The following TFEC variants were observed in gnomAD, a reference collection of about 807,000 sequenced individuals.
The protein encoded by TFEC is class E basic helix-loop-helix protein 34.
Under a neutral mutation model 41.6 loss-of-function variants are expected in TFEC, and 31 were observed. The observed-to-expected ratio is 0.74, with a 90% CI of 0.56 to 1.01. The LOEUF is 1.01. Among genes scored for constraint, TFEC ranks in the 50% least tolerant of loss-of-function variants. TFEC has a pLI of 0.00. For synonymous variants in TFEC, 143 were observed against 140.6 expected (o/e 1.02, Z -0.12); for missense variants, 402 against 404.1 (o/e 0.99, Z 0.04).
rs187224135 is a variant in TFEC at position 116,077,254 on chromosome 7, A to T, written c.198+33454T>A. Reference sequence around the variant, plus strand: ...GAGAATTTGCCACTACCAAACCAGTACTACAAGAACTGCTAAAAGGAGCTC... The same window carrying T: ...GAGAATTTGCCACTACCAAACCAGTTCTACAAGAACTGCTAAAAGGAGCTC... On this transcript the variant is annotated intron_variant, in intron 3 of 8. Transcript: ENST00000484212. Among the ~76,000 whole-genome samples the T allele has an allele frequency of 1.5e-3, 235 of 152,322 alleles. 3 individuals carry two copies. The Middle Eastern group carries it at 0.031, about 20-fold the overall frequency.
At chr7:116,036,141 A>T (rs569903922) in intron 3 of TFEC, among the ~76,000 whole-genome samples, 2 of 152,206 alleles carry the variant, frequency 1.3e-5, no homozygotes, top group South Asian at 2.1e-4. Context: ...TTTGTCTTCT[A>T]TCCTGAAAAT....
intron 2 of TFEC, among the ~76,000 whole-genome samples, chr7:115,981,191 A>G (rs1163018619): frequency 6.6e-6 from 1 of 151,732 alleles, no homozygotes; most frequent in African/African-American, 2.4e-5. Context: ...TCTCAAACCC[A>G]CTTATGCTTG....
intron 1 of TFEC, among the ~76,000 whole-genome samples, chr7:116,114,864 T>C (rs1797943593): frequency 6.6e-6 from 1 of 151,832 alleles, no homozygotes; most frequent in African/African-American, 2.4e-5. Flanking sequence ...TTGAAACATC[T>C]CACTCTCAAA....
In TFEC at chr7:115,937,325, T is replaced by C. The variant is rs995017791; in HGVS notation, c.*3226A>G. 1 of 151,768 alleles carries C rather than the reference T, an allele frequency of 6.6e-6. No individual in the cohort carries two copies. The highest frequency in any genetic ancestry group is 1.5e-5 in the Non-Finnish European group (1 of 67,734). The allele number at this position is 151,768 out of a possible 1,614,324, so 9.4% of individuals were successfully genotyped here. A position where few individuals can be genotyped will look rare whatever the true frequency, so the allele number is the denominator to read the frequency against. On this transcript the variant is annotated 3_prime_UTR_variant, in exon 8 of 8. Transcript: ENST00000265440. ...TAGTCCCATTACAGTTGATGCTTTTTGTGACAGCATTGTTTGATAAACATA... is the reference window on the plus strand; with the variant it reads ...TAGTCCCATTACAGTTGATGCTTTTCGTGACAGCATTGTTTGATAAACATA...
At chr7:116,096,242 T>A (rs957114732) in intron 3 of TFEC, among the ~76,000 whole-genome samples, 7 of 152,102 alleles carry the variant, frequency 4.6e-5, no homozygotes, top group Admixed American at 3.9e-4. Context: ...TGTCTTGCCT[T>A]CCTGAGATAT....
intron 3 of TFEC, among the ~76,000 whole-genome samples, chr7:116,097,682 ATTGT>A (rs1247431301): frequency 6.6e-6 from 1 of 152,164 alleles, no homozygotes; most frequent in Non-Finnish European, 1.5e-5. Context: ...AAACCTGTGA[ATTGT>A]TTATTTCTGG....
At chr7:115,943,169 A>C (rs1562875763) in intron 6 of TFEC, among the ~76,000 whole-genome samples, 1 of 151,946 alleles carries the variant, frequency 6.6e-6, no homozygotes, top group Non-Finnish European at 1.5e-5. Flanking sequence ...AAGTTTGAAA[A>C]TGCTTTGTCA....
chr7:115,956,439 A>C (rs1257136436), intron 4 of TFEC, among the ~76,000 whole-genome samples: 2 of 150,402 alleles, frequency 1.3e-5, no homozygotes, highest in Admixed American at 1.3e-4. Flanking sequence ...GTATATATGT[A>C]TGTAAAACAT....
intron 3 of TFEC, among the ~76,000 whole-genome samples, chr7:116,036,687 T>C (rs1442976310): frequency 6.6e-6 from 1 of 152,076 alleles, no homozygotes; most frequent in East Asian, 1.9e-4. Context: ...TCCTAGCCTT[T>C]ACCCTCAAGG....
chr7:116,151,701 C>CA (rs1441458915), intron 1 of TFEC, among the ~76,000 whole-genome samples: 1 of 151,528 alleles, frequency 6.6e-6, no homozygotes, highest in African/African-American at 2.4e-5. Flanking sequence ...CTCTTAATAT[C>CA]ATTATAAAAA....
intron 5 of TFEC, among the ~76,000 whole-genome samples, chr7:115,952,667 A>G (rs930494318): frequency 2.6e-5 from 4 of 152,072 alleles, no homozygotes; most frequent in Non-Finnish European, 4.4e-5. Context: ...CTGGCTCCCA[A>G]TGGTGTTCAT....
chr7:116,038,865 T>C (rs1396153004), intron 3 of TFEC, among the ~76,000 whole-genome samples: 1 of 152,050 alleles, frequency 6.6e-6, no homozygotes, highest in Non-Finnish European at 1.5e-5. Flanking sequence ...GTGTCCAAAG[T>C]AGATTAGTGG....
chr7:116,032,895 C>T (rs1415224755), upstream of TFEC, among the ~76,000 whole-genome samples: 4 of 152,068 alleles, frequency 2.6e-5, no homozygotes, highest in African/African-American at 9.6e-5. Context: ...GTTTTCATTT[C>T]AAAAATAGTT....
At chr7:116,086,973 C>T (rs183825590) in intron 3 of TFEC, among the ~76,000 whole-genome samples, 162 of 151,964 alleles carry the variant, frequency 1.1e-3, no homozygotes, top group African/African-American at 3.3e-3. Context: ...ACATCATTAG[C>T]GCAGCAGCAC....
chr7:115,974,102 A>G, intron 3 of TFEC, 68 bp downstream of exon 3: 2 of 1,313,150 alleles, frequency 1.5e-6, no homozygotes, highest in Non-Finnish European at 2.1e-6. Flanking sequence ...GTTGCTAATC[A>G]AATATTTTTA....
At chr7:116,038,146 A>C (rs1795953664) in intron 3 of TFEC, among the ~76,000 whole-genome samples, 1 of 152,068 alleles carries the variant, frequency 6.6e-6, no homozygotes, top group African/African-American at 2.4e-5. Flanking sequence ...AGAAACCTTT[A>C]AGGCATTAAT....
chr7:116,152,639 A>G lies in TFEC; in HGVS notation c.-69+7151T>C, dbSNP rs189021422. Among the ~76,000 whole-genome samples, 408 of 152,326 alleles carry G rather than the reference A, an allele frequency of 2.7e-3. 1 individual carries two copies. Among genetic ancestry groups the G allele is most frequent in the Non-Finnish European group, 4.8e-3 (329 of 68,020 alleles). ...AAATATTATATTACACAGGACATAC[A>G]TCAAGAAATGTACTCAGAATCGTAT... On this transcript the variant is annotated intron_variant, in intron 1 of 8. Transcript: ENST00000484212.
intron 6 of TFEC, among the ~76,000 whole-genome samples, chr7:115,946,033 G>T (rs1275628366): frequency 6.6e-6 from 1 of 151,700 alleles, no homozygotes; most frequent in Non-Finnish European, 1.5e-5. Flanking sequence ...GAACTAGAAA[G>T]GAGTCTTTAG....
intron 1 of TFEC, among the ~76,000 whole-genome samples, chr7:116,001,316 G>A (rs898534162): frequency 3.3e-5 from 5 of 151,950 alleles, no homozygotes; most frequent in African/African-American, 1.2e-4. Context: ...AATGGATTGA[G>A]ACTTAAACCT....
Sources: gnomAD v4.1 joint callset for allele counts (sites outside exome capture counted in the v4.1 genomes callset) on GRCh38, gnomAD v4.1.1 for gene constraint, MANE v1.5 for transcripts, NCBI Gene and HGNC (gene_info 2026-07-23, HGNC 2026-07-21) for gene names.